SLC16A7: variants seen among roughly 807,000 people sequenced by gnomAD.
SLC16A7 encodes monocarboxylate transporter 2.
SLC16A7 carries 33 observed loss-of-function variants against 34.9 expected under a neutral mutation model. The observed-to-expected ratio is 0.94, with a 90% CI of 0.72 to 1.26. The LOEUF (loss-of-function observed/expected upper bound fraction) is 1.26. SLC16A7 is among the 50% of genes most tolerant of loss of function. The pLI is 0.00. For missense variants in SLC16A7, 573 were observed against 578.1 expected (o/e 0.99, Z 0.09); for synonymous variants, 201 against 206.6 (o/e 0.97, Z 0.23).
chr12:59,705,086 A>C, intron 3 of SLC16A7, 68 bp downstream of exon 3: 1 of 1,097,708 alleles, frequency 9.1e-7, no homozygotes, highest in Non-Finnish European at 1.4e-6. Flanking sequence ...AATGTTTTAC[A>C]TGGAGTGTCT....
rs1342963383 is a variant in SLC16A7, at chr12:59,788,249, AC to A, written c.*8571del. On this transcript the variant is annotated 3_prime_UTR_variant, in exon 6 of 6. Transcript: ENST00000547379. ...TAAAAGACATTCCTTGGCAACAGCC[AC>A]ATCCAGCTAACTTTTGCAAGAATTT... 1 of 152,192 alleles carries A rather than the reference AC, an allele frequency of 6.6e-6. No homozygotes were observed. Among genetic ancestry groups the A allele is most frequent in the Non-Finnish European group, 1.5e-5 (1 of 68,004 alleles). The allele number at this position is 152,192 out of a possible 1,614,324, so 9.4% of individuals were successfully genotyped here. A position where few individuals can be genotyped will look rare whatever the true frequency, so the allele number is the denominator to read the frequency against.
At chr12:59,714,817 G>A (rs926264905) in intron 3 of SLC16A7, among the ~76,000 whole-genome samples, 3 of 151,954 alleles carry the variant, frequency 2.0e-5, no homozygotes, top group Non-Finnish European at 4.4e-5. Flanking sequence ...CACCCGCCTC[G>A]GCCTCCCAAA....
rs1878383549 is a variant in SLC16A7, at chr12:59,596,202, C to G, written c.-164C>G. 1 of 152,564 alleles carries G rather than the reference C, an allele frequency of 6.6e-6. No individual in the cohort carries two copies. Among genetic ancestry groups the G allele is most frequent in the Admixed American group, 6.5e-5 (1 of 15,288 alleles). 9.5% of individuals were successfully genotyped at this position (152,564 alleles called of 1,614,324 possible). ...GCTGCGGTTTGCTGGGAACGGAGGG[C>G]TGCAGCGCCCACCCTGCGCCAGAGA... On this transcript the variant is annotated 5_prime_UTR_variant, in exon 1 of 6. Transcript: ENST00000547379. The surrounding 1 kb of genome is among the most constrained non-coding windows in gnomAD (Gnocchi z 5.0).
chr12:59,600,650 TAA>T (rs1422501046), intron 1 of SLC16A7, among the ~76,000 whole-genome samples: 7 of 152,230 alleles, frequency 4.6e-5, no homozygotes, highest in Admixed American at 3.3e-4. Context: ...TGGTAATTAG[TAA>T]ATAAGTGGAG....
intron 1 of SLC16A7, among the ~76,000 whole-genome samples, chr12:59,615,930 G>T (rs886929131): frequency 6.6e-6 from 1 of 152,176 alleles, no homozygotes; most frequent in Admixed American, 6.5e-5. Context: ...ACTTGACTCT[G>T]TTGGATCTTG....
At chr12:59,673,554 T>G (rs900580025) in intron 2 of SLC16A7, among the ~76,000 whole-genome samples, 3 of 152,100 alleles carry the variant, frequency 2.0e-5, no homozygotes, top group Non-Finnish European at 4.4e-5. Context: ...CATGAGCACT[T>G]AATTAGTATA....
intron 1 of SLC16A7, among the ~76,000 whole-genome samples, chr12:59,653,165 T>C (rs1868376370): frequency 6.6e-6 from 1 of 151,798 alleles, no homozygotes; most frequent in South Asian, 2.1e-4. Flanking sequence ...CAAAATACTG[T>C]AAACTAAAAT....
chr12:59,765,390 C>T (rs544046308), intron 3 of SLC16A7, among the ~76,000 whole-genome samples: 1 of 152,010 alleles, frequency 6.6e-6, no homozygotes, highest in Non-Finnish European at 1.5e-5. Context: ...TGGTGTTTTA[C>T]ACATGAAGTC....
intron 3 of SLC16A7, among the ~76,000 whole-genome samples, chr12:59,714,993 G>A (rs1294790485): frequency 1.3e-5 from 2 of 152,136 alleles, no homozygotes; most frequent in South Asian, 2.1e-4. Context: ...TTAAGTGTTA[G>A]GGCTTCAACA....
chr12:59,741,436 G>C (rs1359458205), intron 3 of SLC16A7, among the ~76,000 whole-genome samples: 1 of 152,148 alleles, frequency 6.6e-6, no homozygotes. Flanking sequence ...CTTAGTGCTG[G>C]TTAGTCTTAG....
rs141291029 is a variant in SLC16A7, at chr12:59,610,036, G to A, written c.-130+13800G>A. Among the ~76,000 whole-genome samples, 318 of 152,208 alleles carry A rather than the reference G, an allele frequency of 2.1e-3. 1 individual carries two copies. The highest frequency in any genetic ancestry group is 6.6e-3 in the African/African-American group (275 of 41,504). On this transcript the variant is annotated intron_variant, in intron 1 of 5. Coordinates refer to ENST00000547379, the MANE Select transcript of SLC16A7 (RefSeq NM_001270623.2). ...GCATTGCTATCTCCAATTTAGAATG[G>A]CTCTGGCTGGTTAGGAAACAAAGGT...
chr12:59,719,178 A>G (rs1378839715), intron 3 of SLC16A7, among the ~76,000 whole-genome samples: 1 of 152,220 alleles, frequency 6.6e-6, no homozygotes, highest in African/African-American at 2.4e-5. Flanking sequence ...AATTAAAAAC[A>G]GAGAAGCTAA....
chr12:59,659,048 G>T (rs887529027), intron 2 of SLC16A7, among the ~76,000 whole-genome samples: 6 of 152,036 alleles, frequency 3.9e-5, no homozygotes, highest in Non-Finnish European at 7.4e-5. Flanking sequence ...CAGATGCCTA[G>T]AGTAGGTAGT....
intron 1 of SLC16A7, among the ~76,000 whole-genome samples, chr12:59,605,278 G>A (rs925539988): frequency 1.3e-5 from 2 of 152,172 alleles, no homozygotes; most frequent in Non-Finnish European, 2.9e-5. Flanking sequence ...CTTAGAGAAA[G>A]TAACAACCCC....
At chr12:59,700,414 TTATA>T (rs1241713298) in intron 2 of SLC16A7, among the ~76,000 whole-genome samples, 1 of 150,638 alleles carries the variant, frequency 6.6e-6, no homozygotes, top group Non-Finnish European at 1.5e-5. Context: ...GTTTCCAAGA[TTATA>T]TATGTCATAT....
At chr12:59,616,489 T>C (rs923383171) in intron 1 of SLC16A7, among the ~76,000 whole-genome samples, 4 of 152,168 alleles carry the variant, frequency 2.6e-5, no homozygotes, top group Admixed American at 2.6e-4. Context: ...TTAGCTTTTT[T>C]AATAAAAAAA....
chr12:59,765,829 T>G lies in SLC16A7; in HGVS notation c.218-5390T>G, dbSNP rs531856075. Among the ~76,000 whole-genome samples, 3 of 152,294 alleles carry G rather than the reference T, an allele frequency of 2.0e-5. No homozygotes were observed. In the South Asian group the frequency reaches 6.2e-4, roughly 32 times the overall value. ...TTGGCAATGCGGGCTCTTTTTTCGT[T>G]CCATATGAACTTTAAAGTAGTTTTT... On this transcript the variant is annotated intron_variant, in intron 3 of 5. Transcript: ENST00000547379.
At chr12:59,651,164 A>C (rs1472832105) in intron 1 of SLC16A7, among the ~76,000 whole-genome samples, 1 of 152,038 alleles carries the variant, frequency 6.6e-6, no homozygotes, top group Non-Finnish European at 1.5e-5. Context: ...CCACTAAACA[A>C]ATTATATTTT....
At chr12:59,681,150 C>T (rs1172101611) in intron 2 of SLC16A7, among the ~76,000 whole-genome samples, 1 of 152,192 alleles carries the variant, frequency 6.6e-6, no homozygotes, top group Non-Finnish European at 1.5e-5. Context: ...CTTAAAACAT[C>T]ATTGTGTTTA....
Sources: gnomAD v4.1 joint callset for allele counts (sites outside exome capture counted in the v4.1 genomes callset) on GRCh38, gnomAD v4.1.1 for gene constraint, Gnocchi (gnomAD v3.1) non-coding constraint, MANE v1.5 for transcripts, NCBI Gene and HGNC (gene_info 2026-07-23, HGNC 2026-07-21) for gene names.